The following CLSTN2 variants were observed in gnomAD, a reference collection of about 807,000 sequenced individuals.
CLSTN2 encodes the protein calsyntenin-2.
A neutral mutation model predicts 101.2 loss-of-function variants in CLSTN2; 48 were observed. That is an observed-to-expected ratio of 0.47 (90% confidence interval 0.38 to 0.60). The LOEUF is 0.60. CLSTN2 is among the 20% of genes least tolerant of loss of function. CLSTN2 has a pLI of 0.00. For missense variants in CLSTN2, 1,160 were observed against 1,238.2 expected, an observed-to-expected ratio of 0.94 and a Z score of 0.95; for synonymous variants, 481 against 463.6, an observed-to-expected ratio of 1.04 and a Z score of -0.48.
intron 2 of CLSTN2, among the ~76,000 whole-genome samples, chr3:140,251,579 C>CTTCCGTTCCT (rs2086563751): frequency 1.9e-5 from 1 of 53,022 alleles, no homozygotes; most frequent in African/African-American, 7.7e-5. Flanking sequence ...CAACTCTTAG[C>CTTCCGTTCCT]TTCCGTTCCT....
chr3:140,458,169 A>ATTT (rs11434420), intron 6 of CLSTN2, among the ~76,000 whole-genome samples: 13 of 146,522 alleles, frequency 8.9e-5, no homozygotes, highest in African/African-American at 3.0e-4. Context: ...ATGGTAGGAG[A>ATTT]TTTTTTTTTT....
chr3:140,345,376 G>A (rs988638243), intron 2 of CLSTN2, among the ~76,000 whole-genome samples: 1 of 151,478 alleles, frequency 6.6e-6, no homozygotes, highest in Non-Finnish European at 1.5e-5. Context: ...AGCCTCCCGA[G>A]TAGCTGGGAT....
intron 1 of CLSTN2, among the ~76,000 whole-genome samples, 174 bp from the exon 2 acceptor site, chr3:140,175,777 C>T (rs532393435): frequency 2.0e-5 from 3 of 152,268 alleles, no homozygotes; most frequent in Admixed American, 6.5e-5. Flanking sequence ...AACCTCTTCC[C>T]GCACTTCTCT....
chr3:140,002,677 T>C (rs1252136460), intron 1 of CLSTN2, among the ~76,000 whole-genome samples: 2 of 152,176 alleles, frequency 1.3e-5, no homozygotes, highest in African/African-American at 4.8e-5. Context: ...TTTCTTGTAG[T>C]AGTTTCATAA....
intron 2 of CLSTN2, among the ~76,000 whole-genome samples, chr3:140,202,292 G>A (rs1196659634): frequency 6.6e-6 from 1 of 152,248 alleles, no homozygotes; most frequent in Non-Finnish European, 1.5e-5. Context: ...TAACAGCTGA[G>A]AGTGCCAGTG....
chr3:140,369,338 T>C (rs2087825949), intron 2 of CLSTN2, among the ~76,000 whole-genome samples: 1 of 152,214 alleles, frequency 6.6e-6, no homozygotes, highest in Non-Finnish European at 1.5e-5. Flanking sequence ...AGAGATAGTT[T>C]TATGTCATAG....
At chr3:140,085,767 G>A (rs2008670857) in intron 1 of CLSTN2, among the ~76,000 whole-genome samples, 1 of 152,248 alleles carries the variant, frequency 6.6e-6, no homozygotes, top group Admixed American at 6.5e-5. Flanking sequence ...ATGTCTAGAG[G>A]GAAAACTTGC....
At chr3:140,299,004 C>T (rs1051030481) in intron 2 of CLSTN2, among the ~76,000 whole-genome samples, 2 of 152,158 alleles carry the variant, frequency 1.3e-5, no homozygotes, top group Non-Finnish European at 2.9e-5. Context: ...GTCCCTGACC[C>T]TCTTCCCCCT....
chr3:140,250,665 C>G (rs1005711675), intron 2 of CLSTN2, among the ~76,000 whole-genome samples: 1 of 152,160 alleles, frequency 6.6e-6, no homozygotes, highest in Non-Finnish European at 1.5e-5. Context: ...GAGAGTCAAG[C>G]TGCATTCAGC....
intron 2 of CLSTN2, among the ~76,000 whole-genome samples, chr3:140,277,015 G>A (rs180816591): frequency 4.9e-4 from 75 of 152,274 alleles, no homozygotes; most frequent in African/African-American, 1.8e-3. Context: ...GAATCAGTGT[G>A]CAAGCAGGAT....
intron 8 of CLSTN2, among the ~76,000 whole-genome samples, chr3:140,477,522 T>C (rs1046356295): frequency 2.0e-5 from 3 of 152,236 alleles, no homozygotes; most frequent in African/African-American, 7.2e-5. Context: ...TGAGAGGCTA[T>C]AGTGTTCCAA....
chr3:140,501,589 T>G (rs1934577449), intron 8 of CLSTN2, among the ~76,000 whole-genome samples: 1 of 152,196 alleles, frequency 6.6e-6, no homozygotes, highest in Non-Finnish European at 1.5e-5. Context: ...GCAGATTTTC[T>G]CATCAGATTA....
intron 2 of CLSTN2, among the ~76,000 whole-genome samples, chr3:140,318,372 G>T (rs750226794): frequency 6.6e-6 from 1 of 152,166 alleles, no homozygotes; most frequent in Non-Finnish European, 1.5e-5. Context: ...ATAGGGTCAG[G>T]TTCAGTAAAG....
chr3:140,366,302 A>C (rs895800490), intron 2 of CLSTN2, among the ~76,000 whole-genome samples: 3 of 152,300 alleles, frequency 2.0e-5, no homozygotes, highest in African/African-American at 7.2e-5. Context: ...TGACACTCAG[A>C]GTATGGGCAG....
intron 1 of CLSTN2, among the ~76,000 whole-genome samples, chr3:140,094,590 T>C (rs1264204446): frequency 6.6e-6 from 1 of 152,066 alleles, no homozygotes; most frequent in Non-Finnish European, 1.5e-5. Flanking sequence ...AATTAGCAAA[T>C]GGAATGTTCA....
At chr3:140,415,040 T>C (rs1195281419) in intron 4 of CLSTN2, among the ~76,000 whole-genome samples, 2 of 151,346 alleles carry the variant, frequency 1.3e-5, no homozygotes, top group Non-Finnish European at 3.0e-5. Context: ...CACACATATA[T>C]AGTTAGCTAA....
At chr3:140,008,860 A>G (rs1232304546) in intron 1 of CLSTN2, among the ~76,000 whole-genome samples, 1 of 152,222 alleles carries the variant, frequency 6.6e-6, no homozygotes, top group African/African-American at 2.4e-5. Flanking sequence ...ATGCTAACAC[A>G]TCAGAGAAAC....
chr3:140,520,748 G>C (rs770599452), intron 8 of CLSTN2, among the ~76,000 whole-genome samples: 4 of 152,158 alleles, frequency 2.6e-5, no homozygotes, highest in Non-Finnish European at 5.9e-5. Flanking sequence ...ATATCCTCAA[G>C]TATGTTTTCC....
At chr3:140,292,616 G>A (rs760659406) in intron 2 of CLSTN2, among the ~76,000 whole-genome samples, 7 of 152,190 alleles carry the variant, frequency 4.6e-5, no homozygotes, top group Non-Finnish European at 7.4e-5. Flanking sequence ...AGAGAATCAT[G>A]CAAGTTGCAC....
Sources: allele counts gnomAD v4.1 joint callset (sites outside exome capture counted in the v4.1 genomes callset), GRCh38; gene constraint gnomAD v4.1.1; transcripts MANE v1.5; gene names NCBI Gene and HGNC (gene_info 2026-07-23, HGNC 2026-07-21).